The following UBE2D2 variants were observed in gnomAD, a reference collection of about 807,000 sequenced individuals.
UBE2D2 encodes the protein ubiquitin conjugating enzyme E2 D2, also known as ubiquitin-conjugating enzyme E2 D2.
Under a neutral mutation model 24.2 loss-of-function variants are expected in UBE2D2, and 2 were observed. The ratio of observed to expected loss-of-function variants is 0.08; its 90% CI spans 0.03 to 0.26. The LOEUF (loss-of-function observed/expected upper bound fraction) is 0.26. Among genes scored for constraint, UBE2D2 ranks in the 10% least tolerant of loss-of-function variants. The pLI, the probability that UBE2D2 is intolerant of heterozygous loss-of-function variation, is 1.00. For synonymous variants in UBE2D2, 58 were observed against 56.5 expected (o/e 1.03, Z -0.12); for missense variants, 44 against 177.6 (o/e 0.25, Z 4.28).
chr5:139,620,447 T>A (rs901772261), intron 5 of UBE2D2, among the ~76,000 whole-genome samples: 1 of 152,168 alleles, frequency 6.6e-6, no homozygotes, highest in African/African-American at 2.4e-5. Flanking sequence ...TTCCAGGAAA[T>A]ACATGAAGTC....
intron 5 of UBE2D2, among the ~76,000 whole-genome samples, chr5:139,615,918 C>G (rs1377627578): frequency 6.8e-6 from 1 of 147,324 alleles, no homozygotes; most frequent in Non-Finnish European, 1.5e-5. Context: ...TCATTGAAAC[C>G]TCCACCTCCC....
At chr5:139,551,068 G>T (rs988859117) in intron 1 of UBE2D2, among the ~76,000 whole-genome samples, 10 of 152,184 alleles carry the variant, frequency 6.6e-5, no homozygotes, top group Non-Finnish European at 1.0e-4. Flanking sequence ...ACCGGCGGGG[G>T]AGGGGGGAGG....
At chr5:139,530,656 T>G (rs1202700549) in intron 1 of UBE2D2, among the ~76,000 whole-genome samples, 1 of 152,208 alleles carries the variant, frequency 6.6e-6, no homozygotes, top group Non-Finnish European at 1.5e-5. Context: ...CTTGACAACT[T>G]GGTAGCAGCT....
At chr5:139,607,557 T>C (rs915608556) in intron 2 of UBE2D2, among the ~76,000 whole-genome samples, 5 of 152,210 alleles carry the variant, frequency 3.3e-5, no homozygotes, top group African/African-American at 9.6e-5. Flanking sequence ...CATAGTGTTA[T>C]TAGAATGTGA....
chr5:139,538,336 A>C (rs1752713089), intron 1 of UBE2D2, among the ~76,000 whole-genome samples: 1 of 152,186 alleles, frequency 6.6e-6, no homozygotes, highest in Non-Finnish European at 1.5e-5. Flanking sequence ...ACTCAAGTTC[A>C]TAGCAGCATT....
chr5:139,623,603 T>C, intron 6 of UBE2D2, 142 bp downstream of exon 6: 1 of 529,428 alleles, frequency 1.9e-6, no homozygotes, highest in Admixed American at 3.2e-5. Context: ...AAAAGAGAAA[T>C]ATATGCATTG....
chr5:139,618,697 C>G (rs1355938827), intron 5 of UBE2D2, among the ~76,000 whole-genome samples: 1 of 152,056 alleles, frequency 6.6e-6, no homozygotes, highest in Non-Finnish European at 1.5e-5. Context: ...TCAGCTATTC[C>G]AAATGATAAG....
chr5:139,614,992 A>G, intron 5 of UBE2D2, 26 bp downstream of exon 5: 1 of 1,566,442 alleles, frequency 6.4e-7, no homozygotes, highest in East Asian at 2.2e-5. Flanking sequence ...TGATATCAAG[A>G]TAAAGCAACC....
intron 2 of UBE2D2, among the ~76,000 whole-genome samples, chr5:139,611,327 C>T (rs1754315757): frequency 6.6e-6 from 1 of 151,792 alleles, no homozygotes; most frequent in African/African-American, 2.4e-5. Flanking sequence ...GCTGGGATTA[C>T]AGACGCCCGC....
At chr5:139,592,802 C>G (rs1465586861) in intron 1 of UBE2D2, among the ~76,000 whole-genome samples, 3 of 151,264 alleles carry the variant, frequency 2.0e-5, no homozygotes, top group Non-Finnish European at 4.4e-5. Context: ...TGGCGTTTCA[C>G]TGTGTTAGCC....
chr5:139,557,798 AATC>A (rs1311232666), upstream of UBE2D2, among the ~76,000 whole-genome samples: 13 of 152,184 alleles, frequency 8.5e-5, no homozygotes, highest in Admixed American at 8.5e-4. Flanking sequence ...CAGATGCAAA[AATC>A]TGCATATCTG....
upstream of UBE2D2, among the ~76,000 whole-genome samples, chr5:139,559,124 A>G (rs1303760205): frequency 6.6e-6 from 1 of 151,910 alleles, no homozygotes; most frequent in Non-Finnish European, 1.5e-5. Flanking sequence ...ACTGAGAATA[A>G]CTTTAAAAAA....
chr5:139,625,438 C>CG (rs1754602442), intron 6 of UBE2D2, among the ~76,000 whole-genome samples: 2 of 31,642 alleles, frequency 6.3e-5, no homozygotes, highest in East Asian at 1.0e-3. Context: ...CCACCCCCCC[C>CG]CCTTTTTTTT....
intron 2 of UBE2D2, 119 bp from the exon 3 acceptor site, chr5:139,614,467 A>G: frequency 9.3e-6 from 11 of 1,177,408 alleles, no homozygotes; most frequent in South Asian, 1.4e-5. Context: ...CATCTTGCTC[A>G]TACTCATTAT....
intron 2 of UBE2D2, among the ~76,000 whole-genome samples, chr5:139,612,762 G>A (rs558539258): frequency 7.0e-4 from 107 of 152,244 alleles, no homozygotes; most frequent in African/African-American, 2.4e-3. Context: ...TCGTGTATGT[G>A]TGCATGCATG....
chr5:139,562,179 C>G, intron 1 of UBE2D2: 1 of 1,367,034 alleles, frequency 7.3e-7, no homozygotes, highest in Admixed American at 2.4e-5. Flanking sequence ...TTGGGCGGCC[C>G]CTTCGACAGA....
intron 1 of UBE2D2, among the ~76,000 whole-genome samples, chr5:139,544,559 G>C (rs1217511633): frequency 6.6e-6 from 1 of 150,968 alleles, no homozygotes. Context: ...CCAAGTGCTG[G>C]TATTACAGGC....
chr5:139,533,806 G>A (rs185491692), intron 1 of UBE2D2, among the ~76,000 whole-genome samples: 5,520 of 146,484 alleles, frequency 0.038, 127 homozygotes, highest in Non-Finnish European at 0.058. Context: ...TTTTTGAGAC[G>A]GAGTCTCACT....
chr5:139,580,841 C>T (rs986652726), intron 1 of UBE2D2, among the ~76,000 whole-genome samples: 1 of 152,090 alleles, frequency 6.6e-6, no homozygotes, highest in African/African-American at 2.4e-5. Context: ...ATTGCATGAG[C>T]GTAGTTTAAG....
Sources: gnomAD v4.1 joint callset for allele counts (sites outside exome capture counted in the v4.1 genomes callset) on GRCh38, gnomAD v4.1.1 for gene constraint, MANE v1.5 for transcripts, NCBI Gene and HGNC (gene_info 2026-07-23, HGNC 2026-07-21) for gene names.